FSTL5: variants seen among roughly 807,000 people sequenced by gnomAD.
FSTL5 encodes the protein follistatin-related protein 5.
FSTL5 carries 62 observed loss-of-function variants against 89.1 expected under a neutral mutation model. The ratio of observed to expected loss-of-function variants is 0.70; its 90% CI spans 0.57 to 0.86. The LOEUF is 0.86. Ranked by LOEUF, FSTL5 falls within the 40% of genes least tolerant of loss-of-function variation. The pLI, the probability that FSTL5 is intolerant of heterozygous loss-of-function variation, is 0.00. For missense variants in FSTL5, 1,057 were observed against 1,001.6 expected, an observed-to-expected ratio of 1.06 and a Z score of -0.75; for synonymous variants, 383 against 346.2, an observed-to-expected ratio of 1.11 and a Z score of -1.18.
rs79626706 is a variant in FSTL5 at position 161,805,690 on chromosome 4, A to T, written c.410-29616T>A. Among the ~76,000 whole-genome samples, 1,229 of 152,234 alleles carry T rather than the reference A, an allele frequency of 8.1e-3. 16 individuals carry two copies. The highest frequency in any genetic ancestry group is 0.027 in the African/African-American group (1,115 of 41,564). ...CATTAGAGGCAATACATGTCACTGA[A>T]CTAAAAATATTGATGAAAGAATTAT... On this transcript the variant is annotated intron_variant, in intron 4 of 15. Coordinates refer to ENST00000306100, the MANE Select transcript of FSTL5 (RefSeq NM_020116.5).
chr4:161,442,032 C>G (rs879811397), intron 15 of FSTL5, among the ~76,000 whole-genome samples: 6 of 151,970 alleles, frequency 3.9e-5, no homozygotes, highest in Non-Finnish European at 5.9e-5. Flanking sequence ...TAGTTACCAA[C>G]TAATTTATAG....
chr4:161,800,909 G>A (rs934632689), intron 4 of FSTL5, among the ~76,000 whole-genome samples: 8 of 151,384 alleles, frequency 5.3e-5, no homozygotes, highest in African/African-American at 1.5e-4. Flanking sequence ...TATTTTTGTC[G>A]TATTTTAAGT....
Position 161,385,638 on chromosome 4 carries a change from TTTTG to T in FSTL5, c.*105_*108del, listed in dbSNP as rs1730592887. 2.5e-6 allele frequency: 2 copies of T among 786,796 alleles called. No homozygotes were observed. Among genetic ancestry groups the T allele is most frequent in the Admixed American group, 5.8e-5 (2 of 34,554 alleles). The allele number at this position is 786,796 out of a possible 1,614,324, so 48.7% of individuals were successfully genotyped here. On this transcript the variant is annotated 3_prime_UTR_variant, in exon 16 of 16. Transcript: ENST00000306100. ...ATTTTATTTGGACCAACCAAGTAAA[TTTTG>T]TTTGACTAGGATATAAACTTGGAAA...
At chr4:162,117,595 T>C (rs1731691458) in intron 1 of FSTL5, among the ~76,000 whole-genome samples, 1 of 152,162 alleles carries the variant, frequency 6.6e-6, no homozygotes, top group South Asian at 2.1e-4. Context: ...AAACACATTA[T>C]ATATTTCTAG....
At chr4:161,717,240 A>AGG (rs1739019503) in intron 6 of FSTL5, among the ~76,000 whole-genome samples, 1 of 152,210 alleles carries the variant, frequency 6.6e-6, no homozygotes, top group Non-Finnish European at 1.5e-5. Flanking sequence ...TATTTTCTTT[A>AGG]GAGATTTTAT....
Position 161,386,467 on chromosome 4 carries a change from CAGAGTT to C in FSTL5, c.1842-24_1842-19del. ...ATCCAAACCTGAAAAAAATGAAAAT[CAGAGTT>C]AGACAGGAAGCAATGGAGTTTTTAG... On this transcript the variant is annotated intron_variant, in intron 15 of 15. Transcript: ENST00000306100. 1 of 1,539,388 alleles carries C rather than the reference CAGAGTT, an allele frequency of 6.5e-7. No homozygotes were observed. The highest frequency in any genetic ancestry group is 8.8e-7 in the Non-Finnish European group (1 of 1,130,266).
intron 13 of FSTL5, among the ~76,000 whole-genome samples, chr4:161,469,159 A>G (rs1250597700): frequency 6.6e-6 from 1 of 152,118 alleles, no homozygotes; most frequent in Non-Finnish European, 1.5e-5. Flanking sequence ...CCTCATATAA[A>G]TGGAATCAGA....
At chr4:161,770,849 G>A (rs1444366261) in intron 5 of FSTL5, among the ~76,000 whole-genome samples, 1 of 151,532 alleles carries the variant, frequency 6.6e-6, no homozygotes, top group Non-Finnish European at 1.5e-5. Flanking sequence ...CATTATCTGG[G>A]GGGATACAGC....
At chr4:161,720,927 T>C (rs1739177731) in intron 6 of FSTL5, among the ~76,000 whole-genome samples, 1 of 152,112 alleles carries the variant, frequency 6.6e-6, no homozygotes, top group Admixed American at 6.5e-5. Context: ...GATGAGTAAG[T>C]CCTGGAGATG....
chr4:161,799,448 A>T (rs1038666371), intron 4 of FSTL5, among the ~76,000 whole-genome samples: 2 of 151,700 alleles, frequency 1.3e-5, no homozygotes, highest in African/African-American at 4.8e-5. Flanking sequence ...AAATACATGA[A>T]AAAAAATAAA....
At chr4:162,076,302 A>G (rs1047458788) in intron 2 of FSTL5, among the ~76,000 whole-genome samples, 8 of 151,928 alleles carry the variant, frequency 5.3e-5, no homozygotes, top group African/African-American at 1.7e-4. Context: ...TTGTGAGCTA[A>G]GCATTAATTG....
At chr4:161,601,213 A>T (rs1489057449) in intron 7 of FSTL5, among the ~76,000 whole-genome samples, 1 of 151,946 alleles carries the variant, frequency 6.6e-6, no homozygotes, top group African/African-American at 2.4e-5. Flanking sequence ...TCCTCATGAT[A>T]CAGGCCTGGT....
intron 12 of FSTL5, among the ~76,000 whole-genome samples, chr4:161,487,516 A>G (rs1206082342): frequency 6.6e-6 from 1 of 152,154 alleles, no homozygotes; most frequent in Non-Finnish European, 1.5e-5. Flanking sequence ...CTTTAACAGT[A>G]TTTAAACCAG....
rs1463070084 is a variant in FSTL5 at position 161,920,655 on chromosome 4, G to A, written c.161-3C>T. On this transcript the variant is annotated splice_region_variant and splice_polypyrimidine_tract_variant and intron_variant, in intron 3 of 15. Coordinates refer to ENST00000306100, the MANE Select transcript of FSTL5 (RefSeq NM_020116.5). Reference sequence around the variant, plus strand: ...AGGGCCATCCTGAATCATAAATCCTGAAGAATTAAAAAAAAATTGAAAATC... The same window carrying A: ...AGGGCCATCCTGAATCATAAATCCTAAAGAATTAAAAAAAAATTGAAAATC... 1.3e-6 allele frequency: 2 copies of A among 1,489,598 alleles called. No individual in the cohort carries two copies. Among genetic ancestry groups the A allele is most frequent in the Admixed American group, 2.3e-5 (1 of 43,324 alleles). The allele number at this position is 1,489,598 out of a possible 1,614,324, so 92.3% of individuals were successfully genotyped here.
At chr4:161,633,911 G>A (rs925489789) in intron 7 of FSTL5, among the ~76,000 whole-genome samples, 3 of 152,146 alleles carry the variant, frequency 2.0e-5, no homozygotes, top group Non-Finnish European at 4.4e-5. Context: ...ATATGTTAAA[G>A]TAAGTTTGTT....
intron 15 of FSTL5, among the ~76,000 whole-genome samples, chr4:161,440,419 GA>G (rs1162264017): frequency 1.4e-4 from 20 of 144,342 alleles, no homozygotes; most frequent in East Asian, 1.0e-3. Context: ...AGCCGAAAAA[GA>G]AAAAAAAAAG....
At chr4:161,526,638 G>A (rs1731228990) in intron 10 of FSTL5, among the ~76,000 whole-genome samples, 2 of 152,164 alleles carry the variant, frequency 1.3e-5, no homozygotes, top group African/African-American at 4.8e-5. Flanking sequence ...GTTTAAGGAA[G>A]GGATCCAGTT....
chr4:161,638,013 A>G (rs1455096003), intron 7 of FSTL5, among the ~76,000 whole-genome samples: 2 of 152,096 alleles, frequency 1.3e-5, no homozygotes, highest in Non-Finnish European at 2.9e-5. Flanking sequence ...AATCACTGGT[A>G]GCTTTATGGG....
chr4:162,016,211 G>C (rs947552567), intron 3 of FSTL5, among the ~76,000 whole-genome samples: 33 of 152,098 alleles, frequency 2.2e-4, no homozygotes, highest in African/African-American at 7.5e-4. Context: ...TTCTGTCATG[G>C]TTTTGGCCAA....
Sources: allele counts gnomAD v4.1 joint callset (sites outside exome capture counted in the v4.1 genomes callset), GRCh38; gene constraint gnomAD v4.1.1; transcripts MANE v1.5; gene names NCBI Gene and HGNC (gene_info 2026-07-23, HGNC 2026-07-21).